MEF2A: variants seen among roughly 807,000 people sequenced by gnomAD.
The protein encoded by MEF2A is myocyte enhancer factor 2A, also known as myocyte-specific enhancer factor 2A.
MEF2A carries 28 observed loss-of-function variants against 55.8 expected under a neutral mutation model. That is an observed-to-expected ratio of 0.50 (90% CI 0.37 to 0.69). The LOEUF (loss-of-function observed/expected upper bound fraction) is 0.69, where lower values mean the gene tolerates loss of function less well. Ranked by LOEUF, MEF2A falls within the 30% of genes least tolerant of loss-of-function variation. The pLI, the probability that MEF2A is intolerant of heterozygous loss-of-function variation, is 0.00. For synonymous variants in MEF2A, 239 were observed against 227.1 expected, an observed-to-expected ratio of 1.05 and a Z score of -0.47; for missense variants, 528 against 626.2, an observed-to-expected ratio of 0.84 and a Z score of 1.67.
At chr15:99,624,520 A>G (rs1056372976) in intron 2 of MEF2A, among the ~76,000 whole-genome samples, 3 of 152,152 alleles carry the variant, frequency 2.0e-5, no homozygotes, top group African/African-American at 4.8e-5. Context: ...TCTCTATTCT[A>G]TTCCACTGGT....
chr15:99,657,064 C>T (rs1376276669), intron 4 of MEF2A, among the ~76,000 whole-genome samples: 1 of 152,060 alleles, frequency 6.6e-6, no homozygotes, highest in Non-Finnish European at 1.5e-5. Flanking sequence ...GCAATATGTT[C>T]TTTTGTCCAG....
intron 1 of MEF2A, among the ~76,000 whole-genome samples, chr15:99,597,014 G>T (rs1298815107): frequency 1.3e-5 from 2 of 152,086 alleles, no homozygotes; most frequent in African/African-American, 4.8e-5. Context: ...ATCATCTCAG[G>T]ACCCTGTAAT....
chr15:99,581,373 A>G (rs554998447), intron 1 of MEF2A, among the ~76,000 whole-genome samples: 68 of 151,802 alleles, frequency 4.5e-4, no homozygotes, highest in African/African-American at 1.5e-3. Flanking sequence ...GTCGGTCTCT[A>G]TGCCCATGTG....
intron 1 of MEF2A, among the ~76,000 whole-genome samples, chr15:99,580,097 A>G (rs755682303): frequency 6.6e-6 from 1 of 152,058 alleles, no homozygotes; most frequent in East Asian, 1.9e-4. Context: ...ATTTCTGATG[A>G]TCTTTCCAGA....
At chr15:99,640,559 C>CTT (rs561916381) in intron 3 of MEF2A, among the ~76,000 whole-genome samples, 45 of 133,932 alleles carry the variant, frequency 3.4e-4, no homozygotes, top group African/African-American at 9.0e-4. Context: ...TCTTTCTTTT[C>CTT]TTTTTTTTTT....
intron 1 of MEF2A, among the ~76,000 whole-genome samples, chr15:99,592,778 C>A (rs983921746): frequency 3.9e-5 from 6 of 152,030 alleles, no homozygotes; most frequent in African/African-American, 1.5e-4. Context: ...GAGGAGGGCA[C>A]CAAGTCGTTC....
intron 7 of MEF2A, among the ~76,000 whole-genome samples, chr15:99,682,750 A>T (rs890571241): frequency 2.0e-5 from 3 of 152,180 alleles, no homozygotes; most frequent in South Asian, 4.1e-4. Flanking sequence ...CCATCATGTC[A>T]TATCTATCTA....
At chr15:99,699,736 C>G (rs1292927224) in intron 8 of MEF2A, among the ~76,000 whole-genome samples, 2 of 152,070 alleles carry the variant, frequency 1.3e-5, no homozygotes, top group Non-Finnish European at 2.9e-5. Context: ...TCACTGTGCT[C>G]TAGATGGTAA....
At chr15:99,626,849 G>A (rs1321984775) in intron 2 of MEF2A, among the ~76,000 whole-genome samples, 4 of 152,134 alleles carry the variant, frequency 2.6e-5, no homozygotes, top group African/African-American at 9.7e-5. Context: ...TCATCTAACC[G>A]AAAGCGAAGA....
At chr15:99,709,026 G>C (rs1429663377) in intron 10 of MEF2A, among the ~76,000 whole-genome samples, 2 of 152,140 alleles carry the variant, frequency 1.3e-5, no homozygotes, top group Admixed American at 1.3e-4. Context: ...GTAGAGGAGT[G>C]CCATGACCAT....
At chr15:99,589,097 G>A (rs1006564090) in intron 1 of MEF2A, among the ~76,000 whole-genome samples, 1 of 152,148 alleles carries the variant, frequency 6.6e-6, no homozygotes, top group Non-Finnish European at 1.5e-5. Context: ...TAGAAAGTGT[G>A]TCCTCTCCTT....
At chr15:99,653,944 A>G (rs1057415424) in intron 4 of MEF2A, among the ~76,000 whole-genome samples, 2 of 152,116 alleles carry the variant, frequency 1.3e-5, no homozygotes, top group Non-Finnish European at 1.5e-5. Flanking sequence ...AAAAATGTTT[A>G]TGCTCTGAAA....
At chr15:99,708,231 G>A (rs1323593396) in intron 10 of MEF2A, among the ~76,000 whole-genome samples, 3 of 152,206 alleles carry the variant, frequency 2.0e-5, no homozygotes, top group Non-Finnish European at 2.9e-5. Context: ...ACCGTGGAGG[G>A]GAAGTCCTGA....
intron 4 of MEF2A, among the ~76,000 whole-genome samples, chr15:99,667,532 T>A (rs1430739508): frequency 6.6e-6 from 1 of 152,024 alleles, no homozygotes; most frequent in African/African-American, 2.4e-5. Flanking sequence ...CGTAACATAG[T>A]TTTTTATAAA....
chr15:99,584,760 T>C (rs537357958), intron 1 of MEF2A, among the ~76,000 whole-genome samples: 105 of 152,300 alleles, frequency 6.9e-4, no homozygotes, highest in African/African-American at 2.4e-3. Context: ...GAAAATGTTA[T>C]GGAATTAGAT....
chr15:99,645,463 A>T, intron 3 of MEF2A, 98 bp from the exon 4 acceptor site: 1 of 878,094 alleles, frequency 1.1e-6, no homozygotes, highest in Non-Finnish European at 1.7e-6. Context: ...CCATCTTTGA[A>T]ATCTGGCTCA....
intron 2 of MEF2A, among the ~76,000 whole-genome samples, chr15:99,622,581 A>G (rs2041366974): frequency 6.6e-6 from 1 of 152,206 alleles, no homozygotes; most frequent in African/African-American, 2.4e-5. Context: ...TTTGTAAAAC[A>G]TACTTAACAT....
At chr15:99,621,353 T>A (rs2041145018) in intron 2 of MEF2A, among the ~76,000 whole-genome samples, 1 of 152,188 alleles carries the variant, frequency 6.6e-6, no homozygotes, top group Non-Finnish European at 1.5e-5. Flanking sequence ...ATGAACATCC[T>A]TATTTGTATA....
At chr15:99,671,595 G>A (rs2050881643) in intron 5 of MEF2A, 141 bp downstream of exon 5, 1 of 1,602,986 alleles carries the variant, frequency 6.2e-7, no homozygotes, top group African/African-American at 1.3e-5. Flanking sequence ...TCCACATACA[G>A]AAGAAAAATA....
Sources: gnomAD v4.1 joint callset for allele counts (sites outside exome capture counted in the v4.1 genomes callset) on GRCh38, gnomAD v4.1.1 for gene constraint, MANE v1.5 for transcripts, NCBI Gene and HGNC (gene_info 2026-07-23, HGNC 2026-07-21) for gene names.